The following DNAH9 variants were observed in gnomAD, a reference collection of about 807,000 sequenced individuals.
DNAH9 encodes the protein dynein axonemal heavy chain 9, also known as DNAH9 variant protein.
In DNAH9, 345 loss-of-function variants were observed where a neutral mutation model predicts 471.6. The ratio of observed to expected loss-of-function variants is 0.73; its 90% CI spans 0.67 to 0.80. The LOEUF (loss-of-function observed/expected upper bound fraction) is 0.80. Among genes scored for constraint, DNAH9 ranks in the 30% least tolerant of loss-of-function variants. The pLI is 0.00. For synonymous variants in DNAH9, 2,093 were observed against 2,123.6 expected (o/e 0.99, Z 0.40); for missense variants, 5,407 against 5,609.2 (o/e 0.96, Z 1.15).
At chr17:11,807,665 CT>C in intron 43 of DNAH9, 66 bp from the exon 44 acceptor site, 1 of 1,534,904 alleles carries the variant, frequency 6.5e-7, no homozygotes, top group Middle Eastern at 1.8e-4. Flanking sequence ...CCACTCAAGC[CT>C]TTATACATGC....
chr17:11,749,594 C>CA (rs955541550), intron 32 of DNAH9, among the ~76,000 whole-genome samples: 5 of 151,460 alleles, frequency 3.3e-5, no homozygotes, highest in African/African-American at 1.2e-4. Flanking sequence ...TAAATTTGGT[C>CA]AAAAAAGATT....
At chr17:11,648,435 C>T (rs2073436466) in intron 12 of DNAH9, among the ~76,000 whole-genome samples, 1 of 152,166 alleles carries the variant, frequency 6.6e-6, no homozygotes, top group South Asian at 2.1e-4. Flanking sequence ...AGATGAATAT[C>T]TGGATTACCA....
chr17:11,727,598 A>G (rs1317068995), intron 27 of DNAH9, among the ~76,000 whole-genome samples: 1 of 152,228 alleles, frequency 6.6e-6, no homozygotes, highest in East Asian at 1.9e-4. Flanking sequence ...AGGGATTTTC[A>G]TCCAAGTGTC....
At chr17:11,958,983 T>C (rs568684848) in intron 67 of DNAH9, among the ~76,000 whole-genome samples, 6 of 152,232 alleles carry the variant, frequency 3.9e-5, no homozygotes, top group African/African-American at 1.4e-4. Flanking sequence ...GATTCAAAAA[T>C]CAGTCAGTGA....
intron 60 of DNAH9, among the ~76,000 whole-genome samples, chr17:11,903,362 A>G (rs1973479889): frequency 6.6e-6 from 1 of 152,096 alleles, no homozygotes; most frequent in South Asian, 2.1e-4. Context: ...ATAAAAAAAA[A>G]AAAGGAAATT....
chr17:11,876,185 AGAG>A (rs1484871816), intron 53 of DNAH9, among the ~76,000 whole-genome samples: 1 of 152,208 alleles, frequency 6.6e-6, no homozygotes, highest in Non-Finnish European at 1.5e-5. Context: ...CAAAAGGTGA[AGAG>A]AACCCAGATA....
At chr17:11,668,685 A>C (rs1023352236) in intron 15 of DNAH9, among the ~76,000 whole-genome samples, 2 of 143,114 alleles carry the variant, frequency 1.4e-5, no homozygotes, top group African/African-American at 2.6e-5. Flanking sequence ...AAAAAAAAAA[A>C]ACAATCAATC....
rs8077549 is a variant in DNAH9, at chr17:11,881,866, C to T, written c.10806+453C>T. ...GACGGAGGTTGCAGTGAGCCAAGATCGTGCCACTGCACTCCAGCCTGGAAA... is the reference window on the plus strand; with the variant it reads ...GACGGAGGTTGCAGTGAGCCAAGATTGTGCCACTGCACTCCAGCCTGGAAA... On this transcript the variant is annotated intron_variant, in intron 55 of 68. Coordinates refer to ENST00000262442, the MANE Select transcript of DNAH9 (RefSeq NM_001372.4). Among the ~76,000 whole-genome samples, 563 of 151,790 alleles carry T rather than the reference C, an allele frequency of 3.7e-3. 4 individuals carry two copies. The highest frequency in any genetic ancestry group is 0.013 in the African/African-American group (537 of 41,422).
chr17:11,926,627 T>C (rs8073338), intron 62 of DNAH9, among the ~76,000 whole-genome samples: 2,600 of 152,304 alleles, frequency 0.017, 53 homozygotes, highest in East Asian at 0.05. Context: ...ATGGTGTATA[T>C]GTACCACATT....
At chr17:11,710,235 CTATT>C (rs1435956869) in intron 26 of DNAH9, among the ~76,000 whole-genome samples, 1 of 152,018 alleles carries the variant, frequency 6.6e-6, no homozygotes, top group East Asian at 1.9e-4. Flanking sequence ...GAATTATAGT[CTATT>C]TATAAGTATC....
chr17:11,668,452 G>A (rs1304248402), intron 15 of DNAH9, among the ~76,000 whole-genome samples: 1 of 152,102 alleles, frequency 6.6e-6, no homozygotes, highest in Non-Finnish European at 1.5e-5. Context: ...GAATCACGAG[G>A]TCAGGAGTTT....
At chr17:11,958,610 C>A (rs1403876002) in intron 67 of DNAH9, among the ~76,000 whole-genome samples, 2 of 151,910 alleles carry the variant, frequency 1.3e-5, no homozygotes, top group Non-Finnish European at 2.9e-5. Context: ...TCACTTGTAA[C>A]AAAGGTACCG....
Position 11,647,335 on chromosome 17 carries a change from C to G in DNAH9, c.2097+137C>G, listed in dbSNP as rs376428970. ...TCGCCCAGGCTGGAGTGCAGTGGCG[C>G]GATCTCAGCTCACTACAACCCCTAC... On this transcript the variant is annotated intron_variant, in intron 12 of 68. Transcript: ENST00000262442. 8 of 800,978 alleles carry G rather than the reference C, an allele frequency of 1.0e-5. No individual in the cohort carries two copies. The African/African-American group carries it at 1.2e-4, about 12-fold the overall frequency. 49.6% of individuals were successfully genotyped at this position (800,978 alleles called of 1,614,324 possible).
chr17:11,717,386 G>GA (rs5819335), intron 26 of DNAH9, among the ~76,000 whole-genome samples: 31 of 144,310 alleles, frequency 2.1e-4, no homozygotes, highest in African/African-American at 5.9e-4. Context: ...AAGGGAAAAG[G>GA]AAAAAAAAAA....
chr17:11,646,230 G>A (rs974496205), intron 11 of DNAH9, among the ~76,000 whole-genome samples: 2 of 151,718 alleles, frequency 1.3e-5, no homozygotes, highest in African/African-American at 2.4e-5. Context: ...TGTTGGTCAG[G>A]CTGGTCTCAA....
At chr17:11,720,314 A>G (rs2075032880) in intron 27 of DNAH9, among the ~76,000 whole-genome samples, 2 of 151,492 alleles carry the variant, frequency 1.3e-5, no homozygotes, top group African/African-American at 4.9e-5. Context: ...TTTGTTACAT[A>G]TGTATACATG....
chr17:11,686,683 A>G (rs1207282595), intron 19 of DNAH9, among the ~76,000 whole-genome samples: 1 of 152,218 alleles, frequency 6.6e-6, no homozygotes, highest in African/African-American at 2.4e-5. Flanking sequence ...GAAGTTTGGA[A>G]TAAGTTTGAT....
At chr17:11,823,117 A>C (rs754034959) in intron 48 of DNAH9, 83 bp downstream of exon 48, 11 of 1,183,118 alleles carry the variant, frequency 9.3e-6, no homozygotes, top group Non-Finnish European at 1.2e-5. Context: ...GAGGGATCAC[A>C]ATCAAGATCT....
chr17:11,829,274 C>T (rs544097056), intron 48 of DNAH9, among the ~76,000 whole-genome samples: 2 of 152,106 alleles, frequency 1.3e-5, no homozygotes, highest in African/African-American at 2.4e-5. Flanking sequence ...GGTATCCTAC[C>T]GCTTGATTAT....
Sources: allele counts gnomAD v4.1 joint callset (sites outside exome capture counted in the v4.1 genomes callset), GRCh38; gene constraint gnomAD v4.1.1; transcripts MANE v1.5; gene names NCBI Gene and HGNC (gene_info 2026-07-23, HGNC 2026-07-21).